Variants in MSI2 observed in about 807,000 individuals in gnomAD.
The protein encoded by MSI2 is RNA-binding protein Musashi homolog 2.
A neutral mutation model predicts 45.6 loss-of-function variants in MSI2; 17 were observed. The observed-to-expected ratio is 0.37, with a 90% confidence interval of 0.26 to 0.56. The LOEUF is 0.56. MSI2 is among the 20% of genes least tolerant of loss of function. The probability of loss-of-function intolerance (pLI) is 0.77; values close to 1 mark genes in which losing one functional copy is unlikely to be tolerated. For missense variants in MSI2, 293 were observed against 444.2 expected (o/e 0.66, Z 3.06); for synonymous variants, 156 against 158.2 (o/e 0.99, Z 0.11).
At position 57,631,990 on chromosome 17, in the gene MSI2, G is replaced by C. The variant is rs376893780; in HGVS notation, c.727+4687G>C. On this transcript the variant is annotated intron_variant, in intron 10 of 13. Coordinates refer to ENST00000284073, the MANE Select transcript of MSI2 (RefSeq NM_138962.4). ...TTCTTTTTCTCATTTTTAATTCTTGGACTCATGTCCTCATTGCTTCACTCA... is the reference window on the plus strand; with the variant it reads ...TTCTTTTTCTCATTTTTAATTCTTGCACTCATGTCCTCATTGCTTCACTCA... The C allele has an allele frequency of 5.6e-6, 8 of 1,427,232 alleles. No individual in the cohort carries two copies. In the African/African-American group the frequency reaches 1.2e-4, roughly 21 times the overall value. The allele number at this position is 1,427,232 out of a possible 1,614,324, so 88.4% of individuals were successfully genotyped here. A position where few individuals can be genotyped will look rare whatever the true frequency, so the allele number is the denominator to read the frequency against.
chr17:57,499,810 T>C (rs2086063000), intron 6 of MSI2, among the ~76,000 whole-genome samples: 1 of 152,222 alleles, frequency 6.6e-6, no homozygotes, highest in Non-Finnish European at 1.5e-5. Context: ...TCAGGACTTC[T>C]CCCCATGGTC....
At chr17:57,569,769 T>A (rs2087827907) in intron 7 of MSI2, among the ~76,000 whole-genome samples, 1 of 152,232 alleles carries the variant, frequency 6.6e-6, no homozygotes, top group African/African-American at 2.4e-5. Context: ...TGAATTAACA[T>A]GGAACCCACC....
chr17:57,675,544 C>T (rs1476914713), intron 12 of MSI2, among the ~76,000 whole-genome samples: 1 of 152,186 alleles, frequency 6.6e-6, no homozygotes, highest in East Asian at 1.9e-4. Context: ...CTTCCTTGAT[C>T]CCCGCTTTCT....
chr17:57,324,867 A>G (rs924226851), intron 5 of MSI2, among the ~76,000 whole-genome samples: 1 of 152,206 alleles, frequency 6.6e-6, no homozygotes, highest in Admixed American at 6.5e-5. Flanking sequence ...TGACTGGGCC[A>G]CATGCACCTG....
chr17:57,575,147 T>TCCCCCCCCCAC (rs371180511), intron 7 of MSI2, among the ~76,000 whole-genome samples: 1 of 119,544 alleles, frequency 8.4e-6, no homozygotes, highest in Non-Finnish European at 1.7e-5. Context: ...CTTTTTTAAC[T>TCCCCCCCCCAC]CCCTCCCCCC....
In MSI2 at chr17:57,269,715, C is replaced by T. The variant is rs375321115; in HGVS notation, c.312+7523C>T. 1.6e-3 allele frequency among the ~76,000 whole-genome samples: 238 copies of T among 152,260 alleles called. 5 individuals are homozygous for T. In the South Asian group the frequency reaches 0.047, roughly 30 times the overall value. On this transcript the variant is annotated intron_variant, in intron 5 of 13. Transcript: ENST00000284073. ...TGATCGTGACCTCACCATGTGTAGACAGTGAGATGTCATTTCTCAATGTGG... is the reference window on the plus strand; with the variant it reads ...TGATCGTGACCTCACCATGTGTAGATAGTGAGATGTCATTTCTCAATGTGG...
intron 8 of MSI2, among the ~76,000 whole-genome samples, chr17:57,606,743 G>A (rs1468872631): frequency 1.3e-5 from 2 of 152,150 alleles, no homozygotes; most frequent in Non-Finnish European, 2.9e-5. Context: ...ATAAAACACT[G>A]AGCAGAGGAA....
chr17:57,323,602 C>T (rs1773555437), intron 5 of MSI2, among the ~76,000 whole-genome samples: 1 of 152,268 alleles, frequency 6.6e-6, no homozygotes, highest in Admixed American at 6.5e-5. Flanking sequence ...GGGCCTGCAT[C>T]TGCCTGTGCT....
At chr17:57,550,959 C>A (rs1357422492) in intron 7 of MSI2, among the ~76,000 whole-genome samples, 3 of 152,112 alleles carry the variant, frequency 2.0e-5, no homozygotes, top group Admixed American at 6.6e-5. Flanking sequence ...AACTCAAGAG[C>A]AGAAATTGAT....
intron 5 of MSI2, among the ~76,000 whole-genome samples, chr17:57,365,570 A>T (rs792371): frequency 6.6e-6 from 1 of 151,970 alleles, no homozygotes; most frequent in African/African-American, 2.4e-5. Context: ...CTACTGGGAG[A>T]CATTAGGAGG....
chr17:57,639,719 A>T (rs1910107108), intron 10 of MSI2, among the ~76,000 whole-genome samples: 1 of 151,870 alleles, frequency 6.6e-6, no homozygotes, highest in African/African-American at 2.4e-5. Flanking sequence ...CTGGTTTTGC[A>T]GGGAAAGGTG....
chr17:57,606,526 G>A (rs913136083), intron 8 of MSI2, among the ~76,000 whole-genome samples: 1 of 152,114 alleles, frequency 6.6e-6, no homozygotes, highest in Admixed American at 6.5e-5. Context: ...CAGGGTGGGG[G>A]CTGCAGTTAT....
the MSI2 span, among the ~76,000 whole-genome samples, chr17:57,699,385 T>C: frequency 6.6e-6 from 1 of 151,662 alleles, no homozygotes; most frequent in Non-Finnish European, 1.5e-5. Context: ...CAGAATTGCA[T>C]TGGTAAGACC....
chr17:57,388,719 A>C (rs759313829), intron 5 of MSI2, among the ~76,000 whole-genome samples: 1 of 148,290 alleles, frequency 6.7e-6, no homozygotes, highest in African/African-American at 2.5e-5. Context: ...AGTGGTGCCA[A>C]CTTGGCTCAC....
chr17:57,369,429 C>G (rs889901183), intron 5 of MSI2, among the ~76,000 whole-genome samples: 1 of 152,178 alleles, frequency 6.6e-6, no homozygotes, highest in African/African-American at 2.4e-5. Flanking sequence ...TGTTTGTCCT[C>G]TTAGGAATAA....
intron 7 of MSI2, among the ~76,000 whole-genome samples, chr17:57,530,212 A>G (rs2086792892): frequency 6.6e-6 from 1 of 152,160 alleles, no homozygotes; most frequent in African/African-American, 2.4e-5. Context: ...GGCCTCTGGA[A>G]TGTGTAGAGG....
chr17:57,695,972 G>A, the MSI2 span, among the ~76,000 whole-genome samples: 8 of 152,078 alleles, frequency 5.3e-5, no homozygotes, highest in African/African-American at 1.7e-4. Flanking sequence ...TAATCCTATC[G>A]GATCATGGTC....
At chr17:57,633,385 G>A (rs1909578607) in intron 10 of MSI2, among the ~76,000 whole-genome samples, 1 of 152,210 alleles carries the variant, frequency 6.6e-6, no homozygotes, top group Non-Finnish European at 1.5e-5. Context: ...TCCTTGAGCA[G>A]AGTGGCAGAG....
chr17:57,323,781 C>T (rs938499397), intron 5 of MSI2, among the ~76,000 whole-genome samples: 2 of 152,218 alleles, frequency 1.3e-5, no homozygotes, highest in Admixed American at 6.5e-5. Flanking sequence ...CATGGGGTAG[C>T]TATGTGTGGC....
Sources: gnomAD v4.1 joint callset for allele counts (sites outside exome capture counted in the v4.1 genomes callset) on GRCh38, gnomAD v4.1.1 for gene constraint, MANE v1.5 for transcripts, NCBI Gene and HGNC (gene_info 2026-07-23, HGNC 2026-07-21) for gene names.